The following SYMPK variants were observed in gnomAD, a reference collection of about 807,000 sequenced individuals.
SYMPK encodes the protein symplekin.
Under a neutral mutation model 136.4 loss-of-function variants are expected in SYMPK, and 49 were observed. The ratio of observed to expected loss-of-function variants is 0.36; its 90% CI spans 0.29 to 0.46. SYMPK has a LOEUF of 0.46. Among genes scored for constraint, SYMPK ranks in the 20% least tolerant of loss-of-function variants. SYMPK has a pLI of 1.00. For synonymous variants in SYMPK, 766 were observed against 713.0 expected (o/e 1.07, Z -1.19); for missense variants, 1,365 against 1,690.0 (o/e 0.81, Z 3.37).
At position 45,844,160 on chromosome 19, in the gene SYMPK, C is replaced by T. The variant is rs1346370000; in HGVS notation, c.717G>A (p.Leu239=). ...TGGCAGGGTGCACCATGAACTTAAG[C>T]AGCTGCTCCAAGGCTGCCTTGCCCT... ...WEEGKAALEQ[L]LKFMVHPAIS... The change falls in exon 8 of 27, where the codon CTG becomes CTA. Residue 239 remains leucine (L), a synonymous_variant. Transcript: ENST00000245934. 3.1e-6 allele frequency: 5 copies of T among 1,611,266 alleles called. No individual in the cohort carries two copies. The highest frequency in any genetic ancestry group is 4.2e-6 in the Non-Finnish European group (5 of 1,178,796).
At chr19:45,834,207 G>A (rs1330106755) in intron 11 of SYMPK, among the ~76,000 whole-genome samples, 1 of 152,180 alleles carries the variant, frequency 6.6e-6, no homozygotes, top group Non-Finnish European at 1.5e-5. Context: ...AGAATGGCGT[G>A]AACCCGAGAA....
chr19:45,842,177 T>A (rs1027471882), intron 9 of SYMPK, 73 bp downstream of exon 9: 44 of 1,590,828 alleles, frequency 2.8e-5, no homozygotes, highest in Non-Finnish European at 2.8e-5. Flanking sequence ...AAATACAAAT[T>A]CAGCATAGTT....
intron 9 of SYMPK, 64 bp from the exon 10 acceptor site, chr19:45,838,679 G>A (rs1474326750): frequency 7.2e-6 from 11 of 1,534,636 alleles, no homozygotes; most frequent in Middle Eastern, 1.8e-4. Context: ...CCATCCTTCC[G>A]GGGTGCCCGG....
chr19:45,837,764 G>A (rs1385811013), intron 10 of SYMPK, among the ~76,000 whole-genome samples: 6 of 152,096 alleles, frequency 3.9e-5, no homozygotes, highest in African/African-American at 1.4e-4. Context: ...GGTGGGCCTG[G>A]CCCAGGGTAA....
At chr19:45,842,727 C>T in intron 8 of SYMPK, 1 of 527,108 alleles carries the variant, frequency 1.9e-6, no homozygotes, top group African/African-American at 1.9e-5. Flanking sequence ...TTAGTAAATA[C>T]ATACAATTTC....
At position 45,816,937 on chromosome 19, in the gene SYMPK, T is replaced by A; in HGVS notation, c.3119A>T (p.Lys1040Met). Residue 1040 changes from lysine (K) to methionine (M), a missense_variant, in exon 24 of 27, where the codon AAG becomes ATG. By Grantham distance (95) the Lys-to-Met change is moderately conservative (BLOSUM62 -1). Transcript: ENST00000245934. ...KYPKVWEGFI[K>M]CCQRTKPQSF... Reference sequence around the variant, plus strand: ...CTGGGGCTTTGTGCGCTGGCAGCACTTGATGAAGCCCTCCCACACCTTGGG... The same window carrying A: ...CTGGGGCTTTGTGCGCTGGCAGCACATGATGAAGCCCTCCCACACCTTGGG... 1.3e-6 allele frequency: 2 copies of A among 1,561,276 alleles called. No individual in the cohort carries two copies. Among genetic ancestry groups the A allele is most frequent in the Non-Finnish European group, 1.7e-6 (2 of 1,152,674 alleles).
At chr19:45,859,328 T>C (rs1451939799) in intron 1 of SYMPK, among the ~76,000 whole-genome samples, 1 of 145,898 alleles carries the variant, frequency 6.9e-6, no homozygotes, top group South Asian at 2.1e-4. Flanking sequence ...CATGGTGTGG[T>C]GGCTCACTCC....
intron 10 of SYMPK, among the ~76,000 whole-genome samples, chr19:45,836,041 T>C (rs1414327248): frequency 1.3e-5 from 2 of 152,094 alleles, no homozygotes; most frequent in East Asian, 1.9e-4. Context: ...AGAACATCCA[T>C]GGATGTCAGG....
chr19:45,822,741 G>A lies in SYMPK; in HGVS notation c.2791+15C>T. ...TGGGTGGGCCTCTTGGTGGGGATGAGGCTGCATCACCTACCATGCTGGGTG... is the reference window on the plus strand; with the variant it reads ...TGGGTGGGCCTCTTGGTGGGGATGAAGCTGCATCACCTACCATGCTGGGTG... On this transcript the variant is annotated intron_variant, in intron 21 of 26. Transcript: ENST00000245934. The A allele has an allele frequency of 6.2e-7, 1 of 1,612,346 alleles. No individual in the cohort carries two copies. Among genetic ancestry groups the A allele is most frequent in the Non-Finnish European group, 8.5e-7 (1 of 1,178,626 alleles).
chr19:45,828,292 C>T (rs1396112132), intron 14 of SYMPK: 1 of 246,634 alleles, frequency 4.1e-6, no homozygotes, highest in African/African-American at 2.3e-5. Flanking sequence ...GAGAAGGAGC[C>T]ACCCACACAT....
chr19:45,830,925 T>C (rs1971154085), intron 12 of SYMPK: 1 of 146,150 alleles, frequency 6.8e-6, no homozygotes. Context: ...ATAAAAAGAC[T>C]TGGGTGGCCG....
chr19:45,853,639 T>C (rs1453420083), intron 3 of SYMPK, among the ~76,000 whole-genome samples: 1 of 150,070 alleles, frequency 6.7e-6, no homozygotes, highest in Non-Finnish European at 1.5e-5. Flanking sequence ...AGAGATGCTC[T>C]GCCTCTCTCA....
intron 5 of SYMPK, among the ~76,000 whole-genome samples, chr19:45,851,177 A>G (rs1444064967): frequency 6.6e-6 from 1 of 152,186 alleles, no homozygotes; most frequent in East Asian, 1.9e-4. Context: ...TGCTGAGTGC[A>G]AGAGTGGAAG....
rs1970969252 is a variant in SYMPK, at chr19:45,823,887, G to A, written c.2491-12C>T. The A allele has an allele frequency of 3.1e-6, 5 of 1,610,256 alleles. No individual in the cohort carries two copies. The highest frequency in any genetic ancestry group is 4.2e-6 in the Non-Finnish European group (5 of 1,177,152). ...CCCATTCCTCGGATCTAGAGGCAGA[G>A]ACAGGGATGACCAGACCCAGGGTGA... On this transcript the variant is annotated splice_polypyrimidine_tract_variant and intron_variant, in intron 18 of 26. Coordinates refer to ENST00000245934, the MANE Select transcript of SYMPK (RefSeq NM_004819.3).
At chr19:45,822,679 G>T (rs1172897825) in intron 21 of SYMPK, 77 bp downstream of exon 21, 4 of 1,229,282 alleles carry the variant, frequency 3.3e-6, no homozygotes, top group East Asian at 2.3e-5. Flanking sequence ...CCCTGAGGGG[G>T]GTGCCTGCAC....
intron 10 of SYMPK, among the ~76,000 whole-genome samples, chr19:45,835,889 G>A (rs528785128): frequency 1.3e-5 from 2 of 151,286 alleles, no homozygotes; most frequent in Middle Eastern, 3.4e-3. Flanking sequence ...TCCAGCCTGG[G>A]TGACAGAGCA....
In SYMPK at chr19:45,816,932, AG is replaced by A; in HGVS notation, c.3123del (p.Cys1042AlafsTer54). The part of the protein sequence containing the change: ...YPKVWEGFIK[C>X]CQRTKPQSFQ... ...AAGCTCTGGGGCTTTGTGCGCTGGC[AG>A]CACTTGATGAAGCCCTCCCACACCT... On this transcript the variant is annotated frameshift_variant, in exon 24 of 27. Coordinates refer to ENST00000245934, the MANE Select transcript of SYMPK (RefSeq NM_004819.3). LOFTEE classifies it high-confidence loss of function. 6.4e-7 allele frequency: 1 copy of A among 1,561,030 alleles called. No homozygotes were observed. Among genetic ancestry groups the A allele is most frequent in the Non-Finnish European group, 8.7e-7 (1 of 1,152,508 alleles).
chr19:45,862,627 A>C, intron 1 of SYMPK: 1 of 158,640 alleles, frequency 6.3e-6, no homozygotes, highest in Non-Finnish European at 1.4e-5. Flanking sequence ...AGGGCAGGGA[A>C]GGAGGGCTTC....
chr19:45,852,396 T>G lies in SYMPK; in HGVS notation c.226-11A>C, dbSNP rs761190032. On this transcript the variant is annotated splice_polypyrimidine_tract_variant and intron_variant, in intron 4 of 26. Transcript: ENST00000245934. ...GAATGCGATGATCTCCTGCCAATGT[T>G]AGAGAGAAAGTGGATCAGGGCTACA... The G allele has an allele frequency of 1.9e-6, 3 of 1,614,194 alleles. No individual in the cohort carries two copies. The highest frequency in any genetic ancestry group is 2.5e-6 in the Non-Finnish European group (3 of 1,180,044).
Sources: allele counts gnomAD v4.1 joint callset (sites outside exome capture counted in the v4.1 genomes callset), GRCh38; gene constraint gnomAD v4.1.1; transcripts MANE v1.5; gene names NCBI Gene and HGNC (gene_info 2026-07-23, HGNC 2026-07-21).